ZDHHC15: variants seen among roughly 807,000 people sequenced by gnomAD.
ZDHHC15 encodes the protein zDHHC palmitoyltransferase 15, also known as palmitoyltransferase ZDHHC15.
A neutral mutation model predicts 31.7 loss-of-function variants in ZDHHC15; 19 were observed. That is an observed-to-expected ratio of 0.60 (90% CI 0.42 to 0.88). ZDHHC15 has a LOEUF of 0.88. ZDHHC15 is among the 40% of genes least tolerant of loss of function. The pLI, the probability that ZDHHC15 is intolerant of heterozygous loss-of-function variation, is 0.00. For missense variants in ZDHHC15, 209 were observed against 251.2 expected (o/e 0.83, Z 1.14); for synonymous variants, 103 against 90.0 (o/e 1.14, Z -0.82).
At chrX:75,402,798 G>A (rs906052559) in intron 10 of ZDHHC15, among the ~76,000 whole-genome samples, 6 of 110,583 alleles carry the variant, frequency 5.4e-5, no homozygotes, top group African/African-American at 2.0e-4. Context: ...CAAATTCTAC[G>A]AGATTACAAA....
intron 1 of ZDHHC15, among the ~76,000 whole-genome samples, chrX:75,522,006 C>G (rs968303233): frequency 5.4e-5 from 6 of 111,291 alleles, no homozygotes; most frequent in Non-Finnish European, 1.1e-4. Flanking sequence ...GCACTATCAT[C>G]ATGTGACAAT....
chrX:75,437,137 A>T (rs1053571175), intron 4 of ZDHHC15, among the ~76,000 whole-genome samples: 154 of 110,838 alleles, frequency 1.4e-3, no homozygotes, highest in Non-Finnish European at 1.6e-3. Flanking sequence ...CGCCCCGGCC[A>T]CCCAAAGTGC....
chrX:75,490,438 A>G (rs982167283), intron 2 of ZDHHC15, among the ~76,000 whole-genome samples: 1 of 111,847 alleles, frequency 8.9e-6, no homozygotes, highest in Non-Finnish European at 1.9e-5. Flanking sequence ...CCAATATTCA[A>G]CATTCTTAAA....
chrX:75,482,445 CT>C (rs938092724), intron 2 of ZDHHC15, among the ~76,000 whole-genome samples: 2 of 111,487 alleles, frequency 1.8e-5, no homozygotes, highest in African/African-American at 6.5e-5. Context: ...TTTGAAATGG[CT>C]TAGTTTTCCT....
intron 8 of ZDHHC15, 93 bp downstream of exon 8, chrX:75,424,559 A>T: frequency 1.0e-6 from 1 of 953,563 alleles, no homozygotes; most frequent in Non-Finnish European, 1.4e-6. Context: ...CTGCAGCTAA[A>T]ATGCTTCACT....
chrX:75,411,523 A>T (rs968409469), intron 10 of ZDHHC15, among the ~76,000 whole-genome samples: 4 of 112,794 alleles, frequency 3.5e-5, no homozygotes, highest in African/African-American at 1.3e-4. Context: ...GTACATTTCG[A>T]TATAGCTAGA....
chrX:75,495,465 T>C (rs759110129), intron 2 of ZDHHC15, among the ~76,000 whole-genome samples: 2 of 110,892 alleles, frequency 1.8e-5, no homozygotes, highest in South Asian at 3.9e-4. Context: ...CATGCTGCTA[T>C]AAAGACACAT....
chrX:75,498,188 C>T (rs960554721), intron 2 of ZDHHC15, among the ~76,000 whole-genome samples: 1 of 110,790 alleles, frequency 9.0e-6, no homozygotes, highest in African/African-American at 3.3e-5. Context: ...CTGCCTCAGC[C>T]TCCCAAAGTG....
Position 75,431,524 on chromosome X carries a change from TA to T in ZDHHC15, c.380-5del, listed in dbSNP as rs751518520. The T allele has an allele frequency of 0.019, 14,171 of 754,658 alleles. 18 individuals are homozygous for T. Among genetic ancestry groups the T allele is most frequent in the South Asian group, 0.062 (2,099 of 33,850 alleles). The allele number at this position is 754,658 out of a possible 1,213,427, so 62.2% of individuals were successfully genotyped here. A position where few individuals can be genotyped will look rare whatever the true frequency, so the allele number is the denominator to read the frequency against. On this transcript the variant is annotated splice_region_variant and splice_polypyrimidine_tract_variant and intron_variant, in intron 4 of 11. Transcript: ENST00000373367. Reference sequence around the variant, plus strand: ...CACCGGTCACAGAATCGTACAGCTATAAAAAAAAAAATAAGGTGGTTAGCAC... The same window carrying T: ...CACCGGTCACAGAATCGTACAGCTATAAAAAAAAAATAAGGTGGTTAGCAC...
chrX:75,482,097 T>A (rs187800119), intron 2 of ZDHHC15, among the ~76,000 whole-genome samples: 1 of 110,682 alleles, frequency 9.0e-6, no homozygotes, highest in Admixed American at 9.7e-5. Flanking sequence ...GCTCAAGAGT[T>A]GTTTCCCAAT....
chrX:75,485,579 G>A lies in ZDHHC15; in HGVS notation c.164-6594C>T, dbSNP rs531735313. Among the ~76,000 whole-genome samples, 3 of 111,269 alleles carry A rather than the reference G, an allele frequency of 2.7e-5. No homozygotes were observed. The South Asian group carries it at 1.1e-3, about 42-fold the overall frequency. ...CAAGTGGAGACTGCAAGGCATGTTG[G>A]GAAAGGCAAAGGAGGATGGGAGGTC... On this transcript the variant is annotated intron_variant, in intron 2 of 11. Transcript: ENST00000373367.
intron 3 of ZDHHC15, among the ~76,000 whole-genome samples, chrX:75,455,908 G>C (rs1449642961): frequency 8.9e-6 from 1 of 111,788 alleles, no homozygotes; most frequent in Non-Finnish European, 1.9e-5. Flanking sequence ...ATTGGTGGGA[G>C]TGTAAACTAG....
At chrX:75,457,334 GGGT>G (rs1323581087) in intron 3 of ZDHHC15, among the ~76,000 whole-genome samples, 1 of 109,813 alleles carries the variant, frequency 9.1e-6, no homozygotes, top group Non-Finnish European at 1.9e-5. Context: ...AAAAAGAATT[GGGT>G]TGTTTGTCTT....
intron 3 of ZDHHC15, among the ~76,000 whole-genome samples, chrX:75,469,409 C>A (rs1003266138): frequency 3.6e-5 from 4 of 111,828 alleles, no homozygotes; most frequent in Admixed American, 9.5e-5. Flanking sequence ...CCTCTCCTCC[C>A]AGTCTTAGCA....
chrX:75,395,690 A>G (rs886633113), intron 10 of ZDHHC15, among the ~76,000 whole-genome samples: 8 of 111,851 alleles, frequency 7.2e-5, no homozygotes, highest in Middle Eastern at 4.2e-3. Flanking sequence ...AGGAAAAATA[A>G]TCCTAAAATT....
chrX:75,454,765 A>G (rs2084187278), intron 3 of ZDHHC15, among the ~76,000 whole-genome samples: 2 of 111,243 alleles, frequency 1.8e-5, no homozygotes, highest in South Asian at 7.6e-4. Flanking sequence ...AAAGTATAAT[A>G]ATAAAAAATA....
At chrX:75,486,710 T>TG (rs1329372286) in intron 2 of ZDHHC15, among the ~76,000 whole-genome samples, 1 of 111,430 alleles carries the variant, frequency 9.0e-6, no homozygotes, top group Non-Finnish European at 1.9e-5. Context: ...CTGTCACTGC[T>TG]GGCTTTCCCC....
intron 3 of ZDHHC15, among the ~76,000 whole-genome samples, chrX:75,461,039 A>T (rs1294852469): frequency 1.8e-5 from 2 of 111,705 alleles, no homozygotes; most frequent in Non-Finnish European, 3.8e-5. Context: ...GCTAAGAATC[A>T]TGATAAAACA....
intron 7 of ZDHHC15, 36 bp from the exon 8 acceptor site, chrX:75,424,820 G>A (rs760209616): frequency 8.7e-7 from 1 of 1,155,002 alleles, no homozygotes; most frequent in Non-Finnish European, 1.2e-6. Context: ...AAAGATTAAA[G>A]TGGAAACGGA....
Sources: gnomAD v4.1 joint callset for allele counts (sites outside exome capture counted in the v4.1 genomes callset) on GRCh38, gnomAD v4.1.1 for gene constraint, MANE v1.5 for transcripts, NCBI Gene and HGNC (gene_info 2026-07-23, HGNC 2026-07-21) for gene names.